Variants in DRG1 observed in about 807,000 individuals in gnomAD.
DRG1 encodes the protein developmentally-regulated GTP-binding protein 1.
Under a neutral mutation model 38.8 loss-of-function variants are expected in DRG1, and 19 were observed. The observed-to-expected ratio is 0.49, with a 90% CI of 0.34 to 0.72. The LOEUF (loss-of-function observed/expected upper bound fraction) is 0.72, where lower values mean the gene tolerates loss of function less well. DRG1 is among the 30% of genes least tolerant of loss of function. DRG1 has a pLI of 0.01. For missense variants in DRG1, 299 were observed against 444.8 expected, an observed-to-expected ratio of 0.67 and a Z score of 2.95; for synonymous variants, 167 against 157.5, an observed-to-expected ratio of 1.06 and a Z score of -0.45.
chr22:31,428,256 G>T (rs1157528705), intron 8 of DRG1, among the ~76,000 whole-genome samples: 1 of 151,552 alleles, frequency 6.6e-6, no homozygotes, highest in East Asian at 2.0e-4. Flanking sequence ...GTGTCGCCCA[G>T]GCTGGAGTGC....
intron 3 of DRG1, among the ~76,000 whole-genome samples, chr22:31,408,237 C>G (rs1245632509): frequency 6.6e-5 from 8 of 120,770 alleles, no homozygotes; most frequent in Non-Finnish European, 1.3e-4. Flanking sequence ...CTCCTGGGTT[C>G]AAGCAATTCT....
chr22:31,410,464 C>T (rs985198022), intron 3 of DRG1, among the ~76,000 whole-genome samples: 1 of 150,918 alleles, frequency 6.6e-6, no homozygotes, highest in Admixed American at 6.6e-5. Flanking sequence ...CCAAAACAAA[C>T]AAACAAACAA....
intron 4 of DRG1, among the ~76,000 whole-genome samples, chr22:31,414,770 G>A (rs1364229681): frequency 6.6e-6 from 1 of 150,384 alleles, no homozygotes; most frequent in African/African-American, 2.5e-5. Context: ...CTCAGTTCAT[G>A]GCACATTTTC....
chr22:31,422,197 C>G (rs1242254396), intron 5 of DRG1, among the ~76,000 whole-genome samples: 1 of 151,782 alleles, frequency 6.6e-6, no homozygotes, highest in East Asian at 1.9e-4. Flanking sequence ...TTTGGGAGGC[C>G]GAAGTGGGCA....
chr22:31,426,982 G>C, intron 7 of DRG1, 78 bp from the exon 8 acceptor site: 1 of 1,587,300 alleles, frequency 6.3e-7, no homozygotes. Context: ...TGATGTCAGG[G>C]GTGATGGAGG....
chr22:31,431,640 G>GTCAGTTTCCTACAAGGCTGCC (rs1222933731), intron 8 of DRG1, among the ~76,000 whole-genome samples: 1 of 152,184 alleles, frequency 6.6e-6, no homozygotes, highest in African/African-American at 2.4e-5. Flanking sequence ...CTGTACTCTA[G>GTCAGTTTCCTACAAGGCTGCC]CCTGGGCAGC....
intron 2 of DRG1, 141 bp from the exon 3 acceptor site, chr22:31,402,888 A>C: frequency 1.1e-6 from 1 of 877,112 alleles, no homozygotes. Flanking sequence ...TGTGTGCTTT[A>C]GTTCTCCTTT....
At chr22:31,410,676 G>A (rs184338957) in intron 3 of DRG1, among the ~76,000 whole-genome samples, 46 of 152,176 alleles carry the variant, frequency 3.0e-4, no homozygotes, top group African/African-American at 8.4e-4. Flanking sequence ...GTTTGCCAGC[G>A]TGGTGGCAGG....
At position 31,403,042 on chromosome 22, in the gene DRG1, C is replaced by T; in HGVS notation, c.180C>T (p.Ala60=). 1 of 1,611,898 alleles carries T rather than the reference C, an allele frequency of 6.2e-7. No individual in the cohort carries two copies. The highest frequency in any genetic ancestry group is 8.5e-7 in the Non-Finnish European group (1 of 1,179,542). ...GGGPGEGFDV[A]KTGDARIGFV... ...TTGATGTTTTAGGTTTTGATGTGGC[C>T]AAGACAGGTGATGCTCGAATTGGAT... The change falls in exon 3 of 9, where the codon GCC becomes GCT. Residue 60 remains alanine (A), a synonymous_variant. Transcript: ENST00000331457.
intron 8 of DRG1, among the ~76,000 whole-genome samples, chr22:31,429,159 C>T (rs961605193): frequency 4.6e-5 from 7 of 152,188 alleles, no homozygotes; most frequent in African/African-American, 1.7e-4. Flanking sequence ...TTTACCTAGC[C>T]ATAGGCTGGA....
At chr22:31,406,452 CT>C (rs2049990595) in intron 3 of DRG1, among the ~76,000 whole-genome samples, 1 of 152,072 alleles carries the variant, frequency 6.6e-6, no homozygotes, top group Admixed American at 6.6e-5. Context: ...TTAATTCTCT[CT>C]CGTGGTCTTT....
At chr22:31,412,073 C>T (rs1199840272) in intron 4 of DRG1, among the ~76,000 whole-genome samples, 1 of 151,634 alleles carries the variant, frequency 6.6e-6, no homozygotes, top group Non-Finnish European at 1.5e-5. Flanking sequence ...GGGCAAATCA[C>T]GAGGTCAGGA....
intron 8 of DRG1, 95 bp from the exon 9 acceptor site, chr22:31,433,777 T>C: frequency 2.9e-6 from 3 of 1,043,190 alleles, no homozygotes; most frequent in Non-Finnish European, 4.4e-6. Flanking sequence ...CTTAAGGGTA[T>C]GATACTAAAT....
chr22:31,414,780 C>CTT lies in DRG1; in HGVS notation c.412+3714_412+3715dup, dbSNP rs1171073361. ...TGCTTCTCAGTTCATGGCACATTTTCTTTTTTTTTTTTTTTTAGAGATAGG... is the reference window on the plus strand; with the variant it reads ...TGCTTCTCAGTTCATGGCACATTTTCTTTTTTTTTTTTTTTTTTAGAGATAGG... On this transcript the variant is annotated intron_variant, in intron 4 of 8. Coordinates refer to ENST00000331457, the MANE Select transcript of DRG1 (RefSeq NM_004147.4). Among the ~76,000 whole-genome samples the CTT allele has an allele frequency of 6.7e-4, 89 of 132,246 alleles. 1 individual carries two copies. The highest frequency in any genetic ancestry group is 2.1e-3 in the African/African-American group (75 of 35,282). 86.8% of individuals were successfully genotyped at this position (132,246 alleles called of 152,430 possible). A position where few individuals can be genotyped will look rare whatever the true frequency, so the allele number is the denominator to read the frequency against.
At chr22:31,416,282 A>C (rs1201762151) in intron 4 of DRG1, among the ~76,000 whole-genome samples, 1 of 152,138 alleles carries the variant, frequency 6.6e-6, no homozygotes, top group Non-Finnish European at 1.5e-5. Flanking sequence ...GTCTCAAGAA[A>C]GCAAACAAAA....
intron 6 of DRG1, among the ~76,000 whole-genome samples, chr22:31,424,234 C>T (rs1459246709): frequency 6.6e-6 from 1 of 151,800 alleles, no homozygotes; most frequent in East Asian, 1.9e-4. Flanking sequence ...CTGTAACCTC[C>T]TCCGCCTCCC....
rs777734512 is a variant in DRG1, at chr22:31,423,372, T to G, written c.675T>G (p.Ala225=). 1 of 1,614,138 alleles carries G rather than the reference T, an allele frequency of 6.2e-7. No individual in the cohort carries two copies. Among genetic ancestry groups the G allele is most frequent in the South Asian group, 1.1e-5 (1 of 91,076 alleles). Residue 225 remains alanine, a synonymous_variant, in exon 6 of 9, where the codon GCT becomes GCG. Transcript: ENST00000331457. The stretch of plus-strand genomic sequence containing the variant: ...CCGATGTGACTCTACGTAGTGATGC[T>G]ACAGCTGATGACCTCATTGATGTGG... ...HNADVTLRSD[A]TADDLIDVVE... is the part of the protein sequence containing the mutation.
At chr22:31,420,528 C>A in intron 5 of DRG1, 103 bp downstream of exon 5, 1 of 1,377,852 alleles carries the variant, frequency 7.3e-7, no homozygotes. Context: ...TGGCTTTTCC[C>A]TGCACTAATT....
chr22:31,416,999 A>G (rs919550384), intron 4 of DRG1, among the ~76,000 whole-genome samples: 6 of 151,440 alleles, frequency 4.0e-5, no homozygotes, highest in Non-Finnish European at 2.9e-5. Context: ...CAGGAGGTCA[A>G]TCTGCAGTGA....
Sources: allele counts gnomAD v4.1 joint callset (sites outside exome capture counted in the v4.1 genomes callset), GRCh38; gene constraint gnomAD v4.1.1; transcripts MANE v1.5; gene names NCBI Gene and HGNC (gene_info 2026-07-23, HGNC 2026-07-21).